Variants in BEND5 observed in about 807,000 individuals in gnomAD.
BEND5 encodes the protein BEN domain-containing protein 5.
A neutral mutation model predicts 43.9 loss-of-function variants in BEND5; 22 were observed. The observed-to-expected ratio is 0.50, with a 90% CI of 0.36 to 0.72. BEND5 has a LOEUF of 0.72. BEND5 is among the 30% of genes least tolerant of loss of function. The pLI is 0.00. For missense variants in BEND5, 428 were observed against 550.6 expected (o/e 0.78, Z 2.23); for synonymous variants, 228 against 225.9 (o/e 1.01, Z -0.08).
chr1:48,770,229 A>G (rs1460421652), intron 1 of BEND5, among the ~76,000 whole-genome samples: 1 of 152,208 alleles, frequency 6.6e-6, no homozygotes, highest in African/African-American at 2.4e-5. Context: ...ATCCCATTCA[A>G]ATCTTTTCTT....
At chr1:48,753,491 C>T (rs1652069875) in intron 3 of BEND5, among the ~76,000 whole-genome samples, 1 of 152,176 alleles carries the variant, frequency 6.6e-6, no homozygotes, top group Non-Finnish European at 1.5e-5. Context: ...CCAGTTCAGA[C>T]TGCAAAGGAT....
At chr1:48,756,630 C>T (rs1055832489) in intron 3 of BEND5, among the ~76,000 whole-genome samples, 24 of 152,154 alleles carry the variant, frequency 1.6e-4, no homozygotes, top group Non-Finnish European at 2.5e-4. Flanking sequence ...GAATCCAAGC[C>T]GTGAAAACAT....
At chr1:48,754,397 T>C (rs1214543997) in intron 3 of BEND5, among the ~76,000 whole-genome samples, 1 of 152,202 alleles carries the variant, frequency 6.6e-6, no homozygotes, top group Admixed American at 6.5e-5. Context: ...CATTACGTTA[T>C]TCCCAGCACC....
chr1:48,759,490 GA>G, intron 2 of BEND5: 1 of 1,036,374 alleles, frequency 9.6e-7, no homozygotes, highest in Non-Finnish European at 1.3e-6. Flanking sequence ...TCCGAGTGGG[GA>G]AGGGGCTTGC....
At chr1:48,769,797 A>G (rs1644721394) in intron 1 of BEND5, among the ~76,000 whole-genome samples, 1 of 152,116 alleles carries the variant, frequency 6.6e-6, no homozygotes, top group Non-Finnish European at 1.5e-5. Flanking sequence ...TACTATCTCC[A>G]TGCTATAGAT....
At chr1:48,744,341 C>G (rs1462886304) in intron 3 of BEND5, among the ~76,000 whole-genome samples, 1 of 152,228 alleles carries the variant, frequency 6.6e-6, no homozygotes, top group Non-Finnish European at 1.5e-5. Context: ...TTTCTTCTCT[C>G]TGTGTGGGAT....
chr1:48,774,611 A>G (rs557655635), intron 1 of BEND5, among the ~76,000 whole-genome samples: 9 of 152,356 alleles, frequency 5.9e-5, no homozygotes, highest in Middle Eastern at 3.4e-3. Context: ...TTAAATAACC[A>G]TACAGATTTA....
intron 1 of BEND5, among the ~76,000 whole-genome samples, chr1:48,772,174 G>C (rs768167794): frequency 1.3e-5 from 2 of 152,226 alleles, no homozygotes; most frequent in Admixed American, 6.5e-5. Flanking sequence ...GGCAGGAAGA[G>C]AGGCACATTC....
rs184817008 is a variant in BEND5 at position 48,730,930 on chromosome 1, A to T, written c.1109-2887T>A. 1.8e-3 allele frequency among the ~76,000 whole-genome samples: 281 copies of T among 152,296 alleles called. 2 individuals carry two copies. The highest frequency in any genetic ancestry group is 2.4e-3 in the Non-Finnish European group (161 of 68,022). On this transcript the variant is annotated intron_variant, in intron 5 of 5. Transcript: ENST00000371833. ...CTGTCATTCTGGAGCTTGTCATTAG[A>T]GCAAGACTCTGCTTCAGCTCTCCTG...
chr1:48,776,869 G>C lies in BEND5; in HGVS notation c.-38C>G. The C allele has an allele frequency of 2.2e-6, 3 of 1,385,952 alleles. No individual in the cohort carries two copies. Among genetic ancestry groups the C allele is most frequent in the Non-Finnish European group, 2.9e-6 (3 of 1,051,378 alleles). 85.9% of individuals were successfully genotyped at this position (1,385,952 alleles called of 1,614,324 possible). ...GGGCGGGCCCCGGTCGGGCAGCTCA[G>C]CCCGCGGGGCGGGCGCGGAGGTGGG... On this transcript the variant is annotated 5_prime_UTR_variant, in exon 1 of 6. Coordinates refer to ENST00000371833, the MANE Select transcript of BEND5 (RefSeq NM_024603.4).
intron 3 of BEND5, among the ~76,000 whole-genome samples, chr1:48,746,165 A>G (rs1226340951): frequency 2.0e-5 from 3 of 152,144 alleles, no homozygotes; most frequent in African/African-American, 7.3e-5. Flanking sequence ...ATTAAATCAG[A>G]TAACTATATA....
intron 4 of BEND5, among the ~76,000 whole-genome samples, chr1:48,739,995 C>T (rs1480192484): frequency 6.6e-6 from 1 of 152,186 alleles, no homozygotes; most frequent in African/African-American, 2.4e-5. Flanking sequence ...CCTCTTCTGT[C>T]CCCTACAAAG....
intron 3 of BEND5, 82 bp from the exon 4 acceptor site, chr1:48,742,853 C>T (rs1650132700): frequency 7.4e-7 from 1 of 1,346,598 alleles, no homozygotes. Context: ...TCTATCAGCA[C>T]ACCATGGCAC....
intron 5 of BEND5, among the ~76,000 whole-genome samples, chr1:48,731,161 T>C (rs1264335283): frequency 6.6e-6 from 1 of 152,160 alleles, no homozygotes; most frequent in Non-Finnish European, 1.5e-5. Flanking sequence ...AGCAGACAGC[T>C]TGCATGGGAA....
intron 3 of BEND5, among the ~76,000 whole-genome samples, chr1:48,749,353 C>T (rs1270877859): frequency 1.3e-5 from 2 of 152,168 alleles, no homozygotes; most frequent in Non-Finnish European, 2.9e-5. Flanking sequence ...GCACCCAGCG[C>T]AATGTCCTCC....
At chr1:48,757,035 A>G (rs1643970798) in intron 3 of BEND5, among the ~76,000 whole-genome samples, 1 of 152,214 alleles carries the variant, frequency 6.6e-6, no homozygotes, top group Non-Finnish European at 1.5e-5. Context: ...GCATATAATG[A>G]TGTAAAATGC....
chr1:48,729,357 G>A (rs1647721798), intron 5 of BEND5, among the ~76,000 whole-genome samples: 1 of 152,164 alleles, frequency 6.6e-6, no homozygotes, highest in South Asian at 2.1e-4. Flanking sequence ...ACTAGGGCGT[G>A]GGTGGTGAAT....
At chr1:48,746,366 C>T (rs927356042) in intron 3 of BEND5, among the ~76,000 whole-genome samples, 1 of 152,132 alleles carries the variant, frequency 6.6e-6, no homozygotes, top group African/African-American at 2.4e-5. Context: ...GCCCCTAGTG[C>T]TTAGCACAGG....
intron 2 of BEND5, 65 bp from the exon 3 acceptor site, chr1:48,759,349 A>T: frequency 6.6e-7 from 1 of 1,509,874 alleles, no homozygotes; most frequent in Admixed American, 2.1e-5. Flanking sequence ...CTGCAGATCA[A>T]TATTTCCCCA....
Sources: gnomAD v4.1 joint callset for allele counts (sites outside exome capture counted in the v4.1 genomes callset) on GRCh38, gnomAD v4.1.1 for gene constraint, MANE v1.5 for transcripts, NCBI Gene and HGNC (gene_info 2026-07-23, HGNC 2026-07-21) for gene names.